ERC2: variants seen among roughly 807,000 people sequenced by gnomAD.
ERC2 encodes ELKS/RAB6-interacting/CAST family member 2.
Under a neutral mutation model 114.8 loss-of-function variants are expected in ERC2, and 42 were observed. That is an observed-to-expected ratio of 0.37 (90% confidence interval 0.29 to 0.47). The LOEUF is 0.47. Ranked by LOEUF, ERC2 falls within the 20% of genes least tolerant of loss-of-function variation. ERC2 has a pLI of 0.99. For synonymous variants in ERC2, 454 were observed against 425.5 expected (o/e 1.07, Z -0.82); for missense variants, 939 against 1,150.7 (o/e 0.82, Z 2.66).
At chr3:55,790,479 G>A (rs1007820768) in intron 14 of ERC2, among the ~76,000 whole-genome samples, 1 of 152,146 alleles carries the variant, frequency 6.6e-6, no homozygotes, top group Non-Finnish European at 1.5e-5. Context: ...GAGTCCTACC[G>A]TTGACACCAG....
intron 6 of ERC2, among the ~76,000 whole-genome samples, chr3:56,102,128 G>A (rs1029900667): frequency 1.3e-5 from 2 of 152,182 alleles, no homozygotes; most frequent in African/African-American, 4.8e-5. Context: ...ACTTATGACA[G>A]AGACTAAACA....
chr3:55,542,040 C>T (rs966127), intron 17 of ERC2, among the ~76,000 whole-genome samples: 114,301 of 152,166 alleles, frequency 0.75, 43,038 homozygotes, highest in East Asian at 0.83. Flanking sequence ...GCAGAGTTGA[C>T]GTTTTAAACC....
chr3:55,770,816 C>G lies in ERC2; in HGVS notation c.2565-35898G>C, dbSNP rs1250854674. 1.3e-4 allele frequency among the ~76,000 whole-genome samples: 19 copies of G among 150,778 alleles called. 1 individual carries two copies. The highest frequency in any genetic ancestry group is 1.3e-3 in the Admixed American group (19 of 15,078). On this transcript the variant is annotated intron_variant, in intron 14 of 17. Coordinates refer to ENST00000288221, the MANE Select transcript of ERC2 (RefSeq NM_015576.3). ...CCCCTTGCCCCCCACCCCTGACAGGCCCCATTGTGTGATGTTCCCCTCCCT... is the reference window on the plus strand; with the variant it reads ...CCCCTTGCCCCCCACCCCTGACAGGGCCCATTGTGTGATGTTCCCCTCCCT...
intron 2 of ERC2, among the ~76,000 whole-genome samples, chr3:56,353,327 A>C (rs946628747): frequency 3.9e-5 from 6 of 152,004 alleles, no homozygotes; most frequent in African/African-American, 1.4e-4. Context: ...TTCTGATCTC[A>C]TAGCACTTAA....
intron 3 of ERC2, among the ~76,000 whole-genome samples, chr3:56,174,148 G>A (rs1253566415): frequency 6.6e-6 from 1 of 152,120 alleles, no homozygotes; most frequent in African/African-American, 2.4e-5. Context: ...GTGTTACAGG[G>A]GAGAAAAAAA....
chr3:56,221,810 A>G (rs933978867), intron 3 of ERC2, among the ~76,000 whole-genome samples: 9 of 152,152 alleles, frequency 5.9e-5, no homozygotes, highest in African/African-American at 1.9e-4. Context: ...AGGCTGAGGC[A>G]GGAGAATGGT....
At chr3:56,359,430 C>A (rs939129872) in intron 2 of ERC2, among the ~76,000 whole-genome samples, 12 of 152,230 alleles carry the variant, frequency 7.9e-5, no homozygotes, top group Non-Finnish European at 1.3e-4. Context: ...ATCATTCATA[C>A]AATAAACAAA....
chr3:55,856,418 C>G (rs1455438511), intron 14 of ERC2, among the ~76,000 whole-genome samples: 1 of 152,182 alleles, frequency 6.6e-6, no homozygotes. Flanking sequence ...CTAATTCATT[C>G]AATCGGCGCT....
intron 2 of ERC2, among the ~76,000 whole-genome samples, chr3:56,405,030 G>C (rs1227877104): frequency 6.6e-6 from 1 of 152,180 alleles, no homozygotes; most frequent in Non-Finnish European, 1.5e-5. Flanking sequence ...GAACGTACAA[G>C]CAAGGGAGAT....
chr3:55,748,271 A>G (rs1022223198), intron 14 of ERC2, among the ~76,000 whole-genome samples: 1 of 152,200 alleles, frequency 6.6e-6, no homozygotes, highest in Admixed American at 6.5e-5. Context: ...TAGGGTGGCT[A>G]TTTACTGGCC....
At chr3:55,627,189 C>G (rs555130986) in intron 17 of ERC2, among the ~76,000 whole-genome samples, 1 of 152,142 alleles carries the variant, frequency 6.6e-6, no homozygotes, top group Non-Finnish European at 1.5e-5. Flanking sequence ...TTCTTTTGGC[C>G]GGGTGTGGTG....
chr3:55,622,505 T>C (rs963134167), intron 17 of ERC2, among the ~76,000 whole-genome samples: 4 of 152,038 alleles, frequency 2.6e-5, no homozygotes, highest in East Asian at 1.9e-4. Flanking sequence ...GTGTGGAAAA[T>C]ATATCATAGC....
chr3:55,598,173 T>C (rs1435047226), intron 17 of ERC2, among the ~76,000 whole-genome samples: 1 of 152,248 alleles, frequency 6.6e-6, no homozygotes, highest in African/African-American at 2.4e-5. Flanking sequence ...TACTATTATA[T>C]AGATACTAGC....
At chr3:55,703,841 C>T (rs1049603532) in intron 15 of ERC2, among the ~76,000 whole-genome samples, 5 of 152,062 alleles carry the variant, frequency 3.3e-5, no homozygotes, top group African/African-American at 1.2e-4. Context: ...TTGGGAGTGG[C>T]GAAGGAAGAG....
Position 56,458,894 on chromosome 3 carries a change from C to CCA in ERC2, c.-141+9352_-141+9353dup, listed in dbSNP as rs1390103085. ...CTCCTCTCGGAACCCGCCCCTTGAA[C>CCA]CACGACTGCTCCTCGAGGTGATGAC... On this transcript the variant is annotated intron_variant, in intron 1 of 17. Coordinates refer to ENST00000288221, the MANE Select transcript of ERC2 (RefSeq NM_015576.3). 2.6e-5 allele frequency among the ~76,000 whole-genome samples: 4 copies of CCA among 152,196 alleles called. No individual in the cohort carries two copies. In the East Asian group the frequency reaches 7.7e-4, roughly 29 times the overall value.
chr3:56,108,967 A>C (rs2078814035), intron 6 of ERC2, among the ~76,000 whole-genome samples: 1 of 152,240 alleles, frequency 6.6e-6, no homozygotes, highest in Non-Finnish European at 1.5e-5. Context: ...TAAATTAAAC[A>C]GAAAGAAATT....
At chr3:56,214,796 C>T (rs560435015) in intron 3 of ERC2, among the ~76,000 whole-genome samples, 88 of 118,352 alleles carry the variant, frequency 7.4e-4, no homozygotes, top group African/African-American at 2.1e-3. Context: ...GCTGAGCTCT[C>T]GGCAGAAACT....
rs565723948 is a variant in ERC2, at chr3:55,922,683, A to G, written c.2403+27742T>C. Among the ~76,000 whole-genome samples the G allele has an allele frequency of 2.0e-5, 3 of 152,276 alleles. No individual in the cohort carries two copies. The South Asian group carries it at 6.2e-4, about 32-fold the overall frequency. ...CCTCAAGACCTTCCAGGTCCCCCAC[A>G]GGGAAATTCCCAGCTGAAACTGCAT... On this transcript the variant is annotated intron_variant, in intron 13 of 17. Transcript: ENST00000288221.
chr3:56,400,781 G>T (rs933125222), intron 2 of ERC2, among the ~76,000 whole-genome samples: 1 of 152,160 alleles, frequency 6.6e-6, no homozygotes, highest in South Asian at 2.1e-4. Flanking sequence ...CCAGATTTTA[G>T]TCTGATACGT....
Sources: gnomAD v4.1 joint callset for allele counts (sites outside exome capture counted in the v4.1 genomes callset) on GRCh38, gnomAD v4.1.1 for gene constraint, MANE v1.5 for transcripts, NCBI Gene and HGNC (gene_info 2026-07-23, HGNC 2026-07-21) for gene names.